Variants in MYH15 observed in about 807,000 individuals in gnomAD.
MYH15 encodes myosin-15.
Under a neutral mutation model 240.5 loss-of-function variants are expected in MYH15, and 227 were observed. The ratio of observed to expected loss-of-function variants is 0.94; its 90% CI spans 0.85 to 1.05. MYH15 has a LOEUF of 1.05. MYH15 is among the 50% of genes least tolerant of loss of function. MYH15 has a pLI of 0.00. For synonymous variants in MYH15, 785 were observed against 796.7 expected (o/e 0.99, Z 0.25); for missense variants, 2,217 against 2,247.5 (o/e 0.99, Z 0.27).
intron 6 of MYH15, among the ~76,000 whole-genome samples, chr3:108,496,893 T>A (rs1391903610): frequency 6.7e-6 from 1 of 150,346 alleles, no homozygotes. Flanking sequence ...CCAGGGGCGG[T>A]GGCTCACGCC....
intron 1 of MYH15, among the ~76,000 whole-genome samples, chr3:108,524,707 G>C (rs2083652948): frequency 6.6e-6 from 1 of 152,010 alleles, no homozygotes; most frequent in South Asian, 2.1e-4. Context: ...AAGTAGCGTA[G>C]TTAGAAACAG....
At chr3:108,383,195 A>G (rs537389034) in intron 40 of MYH15, among the ~76,000 whole-genome samples, 32 of 152,304 alleles carry the variant, frequency 2.1e-4, no homozygotes, top group African/African-American at 7.7e-4. Flanking sequence ...CCAAATTGAT[A>G]TGGTACAAAG....
At chr3:108,545,880 T>C in the MYH15 span, among the ~76,000 whole-genome samples, 1 of 152,154 alleles carries the variant, frequency 6.6e-6, no homozygotes, top group Admixed American at 6.5e-5. Flanking sequence ...CTGTACCTTA[T>C]ACTGATTAAC....
intron 17 of MYH15, 60 bp from the exon 18 acceptor site, chr3:108,459,509 C>T: frequency 1.0e-6 from 1 of 984,038 alleles, no homozygotes; most frequent in Non-Finnish European, 1.6e-6. Context: ...AACACCAATC[C>T]ACCTCACAAA....
intron 21 of MYH15, among the ~76,000 whole-genome samples, chr3:108,446,558 C>G (rs1410801174): frequency 6.6e-6 from 1 of 152,120 alleles, no homozygotes; most frequent in Non-Finnish European, 1.5e-5. Context: ...AAAAATGACA[C>G]CACCAAAGGA....
intron 12 of MYH15, among the ~76,000 whole-genome samples, chr3:108,471,252 G>A (rs893727663): frequency 6.6e-6 from 1 of 152,068 alleles, no homozygotes; most frequent in Non-Finnish European, 1.5e-5. Context: ...CTATCCCGGG[G>A]TATGGTGTGG....
intron 15 of MYH15, 127 bp downstream of exon 15, chr3:108,464,511 T>C: frequency 1.0e-6 from 1 of 957,886 alleles, no homozygotes; most frequent in Non-Finnish European, 1.5e-6. Context: ...TTTGTGGAAC[T>C]GAGATGTATT....
the MYH15 span, among the ~76,000 whole-genome samples, chr3:108,540,406 A>G: frequency 5.9e-5 from 9 of 152,198 alleles, no homozygotes; most frequent in Non-Finnish European, 1.3e-4. Context: ...GAAGGAAAGT[A>G]TGGAATTCCA....
chr3:108,435,384 C>A (rs1311334109), intron 25 of MYH15, among the ~76,000 whole-genome samples: 1 of 152,004 alleles, frequency 6.6e-6, no homozygotes, highest in African/African-American at 2.4e-5. Context: ...TAACTACAGG[C>A]AAAATGTTGT....
At chr3:108,492,653 G>A in intron 8 of MYH15, 58 bp from the exon 9 acceptor site, 1 of 1,339,454 alleles carries the variant, frequency 7.5e-7, no homozygotes. Context: ...AAATGTAGAA[G>A]AAAAGTAATC....
chr3:108,468,717 G>A (rs2083143910), intron 14 of MYH15, among the ~76,000 whole-genome samples: 1 of 152,182 alleles, frequency 6.6e-6, no homozygotes, highest in African/African-American at 2.4e-5. Context: ...TGGCATAAAT[G>A]AGGCAACAGA....
intron 11 of MYH15, among the ~76,000 whole-genome samples, chr3:108,479,009 A>T (rs908305187): frequency 3.9e-5 from 6 of 152,208 alleles, no homozygotes; most frequent in Non-Finnish European, 8.8e-5. Context: ...TACATCACAT[A>T]TGTTCTCTGT....
At chr3:108,520,999 G>C (rs981182747) in intron 1 of MYH15, among the ~76,000 whole-genome samples, 17 of 152,086 alleles carry the variant, frequency 1.1e-4, no homozygotes, top group African/African-American at 4.1e-4. Context: ...AGGCAGAGGT[G>C]ATAAGCTAGT....
Position 108,383,688 on chromosome 3 carries a change from C to T in MYH15, c.5673G>A (p.Gln1891=), listed in dbSNP as rs972100592. 12 of 1,606,186 alleles carry T rather than the reference C, an allele frequency of 7.5e-6. No individual in the cohort carries two copies. The African/African-American group carries it at 1.6e-4, about 22-fold the overall frequency. Residue 1891 remains glutamine, a synonymous_variant, in exon 40 of 41, where the codon CAG becomes CAA. Coordinates refer to ENST00000693548, the MANE Select transcript of MYH15 (RefSeq NM_014981.3). The part of the protein sequence containing the change: ...ANQYLSKYKK[Q]QHELNEVKER... The stretch of plus-strand genomic sequence containing the variant: ...CCTTCACTTCATTCAACTCATGTTG[C>T]TGTTTCTTATACTTGGAAAGGTATT...
rs201871978 is a variant in MYH15, at chr3:108,392,811, T to A, written c.5260-881A>T. On this transcript the variant is annotated intron_variant, in intron 36 of 40. Transcript: ENST00000693548. ...CATCTTCATAATATATGATTGCATA[T>A]GTTTATCAAACAGGAGCAGCTATTT... Among the ~76,000 whole-genome samples the A allele has an allele frequency of 1.6e-4, 24 of 152,352 alleles. No individual in the cohort carries two copies. In the East Asian group the frequency reaches 4.6e-3, roughly 29 times the overall value.
chr3:108,481,527 T>C (rs552866163), intron 11 of MYH15, among the ~76,000 whole-genome samples: 2 of 152,230 alleles, frequency 1.3e-5, no homozygotes, highest in East Asian at 3.9e-4. Context: ...AGAGAAGGCT[T>C]TTCTAATAAG....
intron 21 of MYH15, among the ~76,000 whole-genome samples, chr3:108,453,649 A>T (rs1262422395): frequency 6.6e-6 from 1 of 152,160 alleles, no homozygotes; most frequent in Non-Finnish European, 1.5e-5. Flanking sequence ...TTTGAAGCAC[A>T]CTTCCCCAAA....
At position 108,444,750 on chromosome 3, in the gene MYH15, C is replaced by T; in HGVS notation, c.2545G>A (p.Ala849Thr). ...EEVAGLKEEC[A>T]QLQKALEKSE... is the part of the protein sequence containing the mutation. ...TTCTCCAAGGCTTTCTGTAATTGTGCACACTCTTCCTTCAGTCCAGCTACT... is the reference window on the plus strand; with the variant it reads ...TTCTCCAAGGCTTTCTGTAATTGTGTACACTCTTCCTTCAGTCCAGCTACT... Residue 849 changes from alanine (A) to threonine (T), a missense_variant, in exon 22 of 41, where the codon GCA becomes ACA. Coordinates refer to ENST00000693548, the MANE Select transcript of MYH15 (RefSeq NM_014981.3). 6.2e-7 allele frequency: 1 copy of T among 1,614,050 alleles called. No homozygotes were observed. The highest frequency in any genetic ancestry group is 1.1e-5 in the South Asian group (1 of 91,078).
intron 9 of MYH15, among the ~76,000 whole-genome samples, chr3:108,490,145 CA>C (rs1366739560): frequency 6.6e-6 from 1 of 151,734 alleles, no homozygotes; most frequent in African/African-American, 2.4e-5. Flanking sequence ...AATGGAAGAT[CA>C]AAAAAAATCC....
Sources: allele counts gnomAD v4.1 joint callset (sites outside exome capture counted in the v4.1 genomes callset), GRCh38; gene constraint gnomAD v4.1.1; transcripts MANE v1.5; gene names NCBI Gene and HGNC (gene_info 2026-07-23, HGNC 2026-07-21).